CHST8: variants seen among roughly 807,000 people sequenced by gnomAD.
CHST8 encodes the protein carbohydrate sulfotransferase 8, also known as GALNAC-4-ST1.
CHST8 carries 10 observed loss-of-function variants against 15.0 expected under a neutral mutation model. The ratio of observed to expected loss-of-function variants is 0.67; its 90% CI spans 0.41 to 1.13. The LOEUF (loss-of-function observed/expected upper bound fraction) is 1.13. CHST8 is among the 50% of genes most tolerant of loss of function. CHST8 has a pLI of 0.00. For synonymous variants in CHST8, 259 were observed against 256.6 expected (o/e 1.01, Z -0.09); for missense variants, 634 against 608.2 (o/e 1.04, Z -0.45).
intron 3 of CHST8, among the ~76,000 whole-genome samples, chr19:33,734,583 G>T (rs1035271317): frequency 3.3e-5 from 5 of 152,132 alleles, no homozygotes; most frequent in African/African-American, 1.2e-4. Context: ...CACTGGGCCA[G>T]CCCCCAGCCC....
chr19:33,668,489 A>G (rs1163961489), intron 2 of CHST8, among the ~76,000 whole-genome samples: 2 of 152,084 alleles, frequency 1.3e-5, no homozygotes, highest in Admixed American at 6.5e-5. Context: ...GGTTTGGAAA[A>G]ATAGGGTAAT....
intron 3 of CHST8, among the ~76,000 whole-genome samples, chr19:33,746,974 G>A (rs745330582): frequency 8.1e-4 from 123 of 152,228 alleles, no homozygotes; most frequent in African/African-American, 1.6e-3. Flanking sequence ...CAGAGCAATC[G>A]GTTTGGGCAC....
intron 3 of CHST8, among the ~76,000 whole-genome samples, chr19:33,729,597 GTA>G (rs1475497675): frequency 6.6e-6 from 1 of 152,224 alleles, no homozygotes; most frequent in Non-Finnish European, 1.5e-5. Flanking sequence ...CGCAGGTGAG[GTA>G]TGGTTGAGGT....
Position 33,757,520 on chromosome 19 carries a change from AAG to A in CHST8, c.131-13889_131-13888del, listed in dbSNP as rs1491464750. Among the ~76,000 whole-genome samples, 199 of 20,676 alleles carry A rather than the reference AAG, an allele frequency of 9.6e-3. 52 individuals carry two copies. Among genetic ancestry groups the A allele is most frequent in the East Asian group, 0.025 (16 of 642 alleles). The allele number at this position is 20,676 out of a possible 152,430, so 13.6% of individuals were successfully genotyped here. Reference sequence around the variant, plus strand: ...AAAGAAAGAAAGAAAGAAAGAAAGAAAGAGAAAGAAAGAAAGAAAGAAAGAAA... The same window carrying A: ...AAAGAAAGAAAGAAAGAAAGAAAGAAAGAAAGAAAGAAAGAAAGAAAGAAA... On this transcript the variant is annotated intron_variant, in intron 3 of 4. Transcript: ENST00000650847.
In CHST8 at chr19:33,772,987, G is replaced by A; in HGVS notation, c.1199G>A (p.Arg400Lys). 6.2e-7 allele frequency: 1 copy of A among 1,613,486 alleles called. No homozygotes were observed. The highest frequency in any genetic ancestry group is 2.2e-5 in the East Asian group (1 of 44,882). Residue 400 changes from arginine to lysine, a missense_variant, in exon 5 of 5, where the codon AGG (arginine) becomes AAG (lysine). Coordinates refer to ENST00000650847, the MANE Select transcript of CHST8 (RefSeq NM_001127895.2). ...QYFAQLSALQ[R>K]QRTYDFYYMD... ...TTCGCCCAACTCTCGGCCCTGCAAA[G>A]GCAGCGCACCTACGACTTCTACTAC...
intron 3 of CHST8, 150 bp downstream of exon 3, chr19:33,689,541 G>T: frequency 3.3e-6 from 3 of 915,966 alleles, no homozygotes; most frequent in Non-Finnish European, 4.7e-6. Flanking sequence ...GCTTCCCGGG[G>T]AAGGCGTTAG....
intron 3 of CHST8, among the ~76,000 whole-genome samples, chr19:33,708,968 G>A (rs1410300071): frequency 2.0e-5 from 3 of 152,056 alleles, no homozygotes; most frequent in African/African-American, 7.2e-5. Flanking sequence ...TTATTCCTAA[G>A]TATTTTACTC....
intron 1 of CHST8, among the ~76,000 whole-genome samples, chr19:33,659,539 T>A (rs1382595982): frequency 6.6e-6 from 1 of 152,172 alleles, no homozygotes; most frequent in African/African-American, 2.4e-5. Flanking sequence ...ATTTGTTCAT[T>A]TAAAAAGTGT....
chr19:33,625,960 A>G (rs901446856), intron 1 of CHST8, among the ~76,000 whole-genome samples: 5 of 152,116 alleles, frequency 3.3e-5, no homozygotes, highest in African/African-American at 1.2e-4. Flanking sequence ...AGCAATCTGC[A>G]TGGTGACAGC....
At chr19:33,623,262 G>C (rs1341390858) in intron 1 of CHST8, among the ~76,000 whole-genome samples, 1 of 152,248 alleles carries the variant, frequency 6.6e-6, no homozygotes, top group Non-Finnish European at 1.5e-5. Flanking sequence ...TAACCCAGAA[G>C]TAGGCGCCGA....
At chr19:33,713,960 G>C (rs1004130393) in intron 3 of CHST8, among the ~76,000 whole-genome samples, 4 of 152,156 alleles carry the variant, frequency 2.6e-5, no homozygotes, top group African/African-American at 9.7e-5. Context: ...GAACACTGTG[G>C]CTTCCTTCAA....
intron 2 of CHST8, 110 bp from the exon 3 acceptor site, chr19:33,689,066 A>G (rs1973043324): frequency 4.0e-6 from 2 of 498,492 alleles, no homozygotes; most frequent in African/African-American, 4.0e-5. Flanking sequence ...GGTAACTTGT[A>G]GAGGGCAGAG....
At chr19:33,649,249 A>G (rs1468097270) in intron 1 of CHST8, among the ~76,000 whole-genome samples, 1 of 151,860 alleles carries the variant, frequency 6.6e-6, no homozygotes, top group Non-Finnish European at 1.5e-5. Flanking sequence ...GTGTGCTAGT[A>G]TTTCACTGTG....
intron 1 of CHST8, among the ~76,000 whole-genome samples, chr19:33,630,958 C>T (rs981644473): frequency 1.3e-5 from 2 of 152,172 alleles, no homozygotes; most frequent in Non-Finnish European, 2.9e-5. Flanking sequence ...TCCGGGCTTC[C>T]CCTCAGATGT....
chr19:33,725,338 C>G (rs1973873923), intron 3 of CHST8, among the ~76,000 whole-genome samples: 1 of 152,182 alleles, frequency 6.6e-6, no homozygotes, highest in South Asian at 2.1e-4. Context: ...TCGACTCATT[C>G]TGAGAGCTAA....
chr19:33,687,956 G>T (rs927371522), intron 2 of CHST8, among the ~76,000 whole-genome samples: 4 of 152,216 alleles, frequency 2.6e-5, no homozygotes, highest in Admixed American at 2.6e-4. Context: ...GCTACTGGGA[G>T]CTGCCTACCT....
intron 3 of CHST8, among the ~76,000 whole-genome samples, chr19:33,719,737 TGTGA>T (rs933983495): frequency 4.5e-5 from 5 of 110,580 alleles, no homozygotes; most frequent in African/African-American, 1.9e-4. Context: ...AGCAATTTAC[TGTGA>T]GTTACAAAAA....
At chr19:33,679,702 G>A (rs1206680144) in intron 2 of CHST8, among the ~76,000 whole-genome samples, 1 of 152,192 alleles carries the variant, frequency 6.6e-6, no homozygotes, top group Non-Finnish European at 1.5e-5. Context: ...TCAGATCTGG[G>A]GTGGCGCTTA....
chr19:33,660,215 A>G (rs1972569563), intron 1 of CHST8, among the ~76,000 whole-genome samples: 1 of 152,180 alleles, frequency 6.6e-6, no homozygotes, highest in Admixed American at 6.5e-5. Flanking sequence ...GCTAGTTGCC[A>G]TTTGTACCAT....
Sources: gnomAD v4.1 joint callset for allele counts (sites outside exome capture counted in the v4.1 genomes callset) on GRCh38, gnomAD v4.1.1 for gene constraint, MANE v1.5 for transcripts, NCBI Gene and HGNC (gene_info 2026-07-23, HGNC 2026-07-21) for gene names.